Variants in PPP2R2B observed in about 807,000 individuals in gnomAD.
PPP2R2B encodes the protein serine/threonine-protein phosphatase 2A 55 kDa regulatory subunit B beta isoform.
Under a neutral mutation model 46.0 loss-of-function variants are expected in PPP2R2B, and 5 were observed. The observed-to-expected ratio is 0.11, with a 90% CI of 0.06 to 0.23. The LOEUF (loss-of-function observed/expected upper bound fraction) is 0.23. Among genes scored for constraint, PPP2R2B ranks in the 10% least tolerant of loss-of-function variants. The pLI, the probability that PPP2R2B is intolerant of heterozygous loss-of-function variation, is 1.00. For synonymous variants in PPP2R2B, 215 were observed against 206.7 expected, an observed-to-expected ratio of 1.04 and a Z score of -0.34; for missense variants, 367 against 575.0, an observed-to-expected ratio of 0.64 and a Z score of 3.70.
chr5:146,837,019 A>T (rs1253617028), intron 2 of PPP2R2B, among the ~76,000 whole-genome samples: 1 of 152,250 alleles, frequency 6.6e-6, no homozygotes, highest in Non-Finnish European at 1.5e-5. Context: ...AATAGTGATA[A>T]ATAGTATCCT....
chr5:146,788,594 G>C (rs1189523814), intron 2 of PPP2R2B, among the ~76,000 whole-genome samples: 1 of 152,120 alleles, frequency 6.6e-6, no homozygotes, highest in Non-Finnish European at 1.5e-5. Flanking sequence ...AGCCAGGCGT[G>C]GTGGCACATG....
At chr5:146,622,698 T>C (rs1773787408) in intron 7 of PPP2R2B, among the ~76,000 whole-genome samples, 1 of 152,204 alleles carries the variant, frequency 6.6e-6, no homozygotes, top group African/African-American at 2.4e-5. Context: ...CTTGATATTC[T>C]TTCTGAAAAG....
chr5:146,769,896 T>C (rs1754731794), intron 2 of PPP2R2B, among the ~76,000 whole-genome samples: 1 of 152,186 alleles, frequency 6.6e-6, no homozygotes, highest in Non-Finnish European at 1.5e-5. Flanking sequence ...CACATGTACT[T>C]GTCTTTGACC....
At chr5:147,078,536 C>G (rs1757864490) in intron 2 of PPP2R2B, among the ~76,000 whole-genome samples, 1 of 152,036 alleles carries the variant, frequency 6.6e-6, no homozygotes, top group Non-Finnish European at 1.5e-5. Context: ...GCCTGTAATC[C>G]CAGCACTTTG....
chr5:146,752,387 T>A (rs534179915), intron 2 of PPP2R2B, among the ~76,000 whole-genome samples: 8 of 152,320 alleles, frequency 5.3e-5, no homozygotes, highest in African/African-American at 1.9e-4. Flanking sequence ...TTTGGAGACA[T>A]CTTCCCTGAC....
At chr5:146,701,250 G>C (rs752579757) in intron 2 of PPP2R2B, 108 bp from the exon 3 acceptor site, 1 of 1,006,352 alleles carries the variant, frequency 9.9e-7, no homozygotes, top group Admixed American at 1.7e-5. Flanking sequence ...CTTTGTCTCT[G>C]CAGTGGAATT....
intron 8 of PPP2R2B, among the ~76,000 whole-genome samples, chr5:146,598,223 G>A (rs1771394228): frequency 1.3e-5 from 2 of 152,156 alleles, no homozygotes; most frequent in South Asian, 2.1e-4. Flanking sequence ...CTAAATCCAA[G>A]TTCGTAGTCT....
At chr5:146,895,477 C>G (rs1334414147) in intron 1 of PPP2R2B, among the ~76,000 whole-genome samples, 1 of 152,136 alleles carries the variant, frequency 6.6e-6, no homozygotes, top group African/African-American at 2.4e-5. Flanking sequence ...TGCCTAAGTA[C>G]TGACACACAA....
intron 1 of PPP2R2B, among the ~76,000 whole-genome samples, chr5:146,910,143 T>C (rs988920524): frequency 6.6e-6 from 1 of 152,236 alleles, no homozygotes; most frequent in Non-Finnish European, 1.5e-5. Context: ...AGCCTAGCTA[T>C]TTACAATTTG....
intron 2 of PPP2R2B, among the ~76,000 whole-genome samples, chr5:146,754,508 G>A (rs1013280313): frequency 5.3e-5 from 8 of 152,124 alleles, no homozygotes; most frequent in African/African-American, 4.8e-5. Flanking sequence ...ACATACAGAA[G>A]TTCTTCGATA....
At chr5:146,728,138 CTTTTTTTT>C (rs757396751) in intron 2 of PPP2R2B, among the ~76,000 whole-genome samples, 2,298 of 82,554 alleles carry the variant, frequency 0.028, 66 homozygotes, top group African/African-American at 0.097. Context: ...GAAACACTTA[CTTTTTTTT>C]TTTTTTTTTT....
intron 2 of PPP2R2B, among the ~76,000 whole-genome samples, chr5:146,705,591 C>G (rs1049773858): frequency 6.6e-6 from 1 of 152,142 alleles, no homozygotes; most frequent in East Asian, 1.9e-4. Context: ...TTCCTCCCAT[C>G]CATATAAAAC....
intron 1 of PPP2R2B, among the ~76,000 whole-genome samples, chr5:146,893,699 T>C (rs554968527): frequency 1.4e-4 from 22 of 152,040 alleles, no homozygotes; most frequent in Non-Finnish European, 2.6e-4. Flanking sequence ...CAACATCACA[T>C]ACCAGAGGCT....
intron 1 of PPP2R2B, among the ~76,000 whole-genome samples, chr5:147,009,334 C>T (rs1394776259): frequency 6.6e-6 from 1 of 152,102 alleles, no homozygotes; most frequent in African/African-American, 2.4e-5. Flanking sequence ...TTTTTAGTCT[C>T]ACCTCTATTT....
intron 1 of PPP2R2B, among the ~76,000 whole-genome samples, chr5:146,951,345 T>C (rs1303906772): frequency 6.6e-6 from 1 of 151,712 alleles, no homozygotes; most frequent in African/African-American, 2.4e-5. Flanking sequence ...AAGTTCCTCA[T>C]GCCTTTTTTT....
chr5:146,989,535 A>G (rs77144469), intron 1 of PPP2R2B, among the ~76,000 whole-genome samples: 2 of 152,234 alleles, frequency 1.3e-5, no homozygotes, highest in South Asian at 2.1e-4. Flanking sequence ...AAAGCCTTCA[A>G]TAAAATTCAA....
chr5:146,990,482 C>T (rs1393806011), intron 1 of PPP2R2B, among the ~76,000 whole-genome samples: 1 of 151,774 alleles, frequency 6.6e-6, no homozygotes, highest in Non-Finnish European at 1.5e-5. Flanking sequence ...AAAAACAGTC[C>T]CAATAAATGG....
At chr5:146,885,251 G>C (rs569755124) in intron 1 of PPP2R2B, among the ~76,000 whole-genome samples, 1 of 152,112 alleles carries the variant, frequency 6.6e-6, no homozygotes, top group Admixed American at 6.5e-5. Flanking sequence ...TATAACCAAA[G>C]TCAGATAGAT....
intron 1 of PPP2R2B, among the ~76,000 whole-genome samples, chr5:147,005,829 G>T (rs1037499577): frequency 3.3e-5 from 5 of 152,020 alleles, no homozygotes; most frequent in Non-Finnish European, 5.9e-5. Flanking sequence ...GAGAGAAAGA[G>T]AAATAGTAAA....
Sources: gnomAD v4.1 joint callset for allele counts (sites outside exome capture counted in the v4.1 genomes callset) on GRCh38, gnomAD v4.1.1 for gene constraint, MANE v1.5 for transcripts, NCBI Gene and HGNC (gene_info 2026-07-23, HGNC 2026-07-21) for gene names.